The following SEMA6D variants were observed in gnomAD, a reference collection of about 807,000 sequenced individuals.
The protein encoded by SEMA6D is semaphorin 6D.
In SEMA6D, 35 loss-of-function variants were observed where a neutral mutation model predicts 106.6. That is an observed-to-expected ratio of 0.33 (90% CI 0.25 to 0.44). The LOEUF is 0.44. Ranked by LOEUF, SEMA6D falls within the 20% of genes least tolerant of loss-of-function variation. The pLI is 1.00. For synonymous variants in SEMA6D, 499 were observed against 487.7 expected (o/e 1.02, Z -0.31); for missense variants, 1,185 against 1,345.9 (o/e 0.88, Z 1.87).
chr15:47,723,304 C>T (rs1343986641), intron 1 of SEMA6D, among the ~76,000 whole-genome samples: 1 of 152,108 alleles, frequency 6.6e-6, no homozygotes, highest in Non-Finnish European at 1.5e-5. Context: ...GGTATCTTCT[C>T]CCACCATTTT....
intron 4 of SEMA6D, among the ~76,000 whole-genome samples, chr15:47,648,707 C>A (rs2077627585): frequency 6.6e-6 from 1 of 152,126 alleles, no homozygotes; most frequent in Non-Finnish European, 1.5e-5. Flanking sequence ...TAATTTTTAA[C>A]CCGATGTTTT....
chr15:47,228,023 T>A (rs2031905136), intron 1 of SEMA6D, among the ~76,000 whole-genome samples: 1 of 143,060 alleles, frequency 7.0e-6, no homozygotes, highest in African/African-American at 2.5e-5. Flanking sequence ...GAATCATATA[T>A]TTTTTATATA....
chr15:47,409,464 C>G (rs2040709123), intron 1 of SEMA6D, among the ~76,000 whole-genome samples: 1 of 152,142 alleles, frequency 6.6e-6, no homozygotes, highest in African/African-American at 2.4e-5. Flanking sequence ...AATGATATCT[C>G]CCACATACTA....
chr15:47,298,949 G>C (rs1430026651), intron 1 of SEMA6D, among the ~76,000 whole-genome samples: 1 of 152,130 alleles, frequency 6.6e-6, no homozygotes, highest in Non-Finnish European at 1.5e-5. Flanking sequence ...CATCCCTAAA[G>C]GTATTCTCCA....
At chr15:47,320,071 A>T (rs1378186475) in intron 1 of SEMA6D, among the ~76,000 whole-genome samples, 6 of 152,040 alleles carry the variant, frequency 3.9e-5, no homozygotes, top group Non-Finnish European at 8.8e-5. Flanking sequence ...TTAAAAACAT[A>T]TGTTCACCTC....
At chr15:47,700,922 A>C (rs2078798011) in intron 4 of SEMA6D, among the ~76,000 whole-genome samples, 1 of 152,200 alleles carries the variant, frequency 6.6e-6, no homozygotes, top group African/African-American at 2.4e-5. Flanking sequence ...GGAAAAAAAC[A>C]TTAATCTAGA....
chr15:47,308,822 A>G (rs1342301836), intron 1 of SEMA6D, among the ~76,000 whole-genome samples: 1 of 152,222 alleles, frequency 6.6e-6, no homozygotes, highest in Non-Finnish European at 1.5e-5. Flanking sequence ...ACTATTTTGG[A>G]CAGTAGCTAA....
intron 4 of SEMA6D, among the ~76,000 whole-genome samples, chr15:47,631,571 G>A (rs1181338503): frequency 6.6e-6 from 1 of 151,812 alleles, no homozygotes; most frequent in East Asian, 1.9e-4. Flanking sequence ...GCAAACACAA[G>A]TGTCTTCATA....
chr15:47,259,623 T>A (rs563297167), intron 1 of SEMA6D, among the ~76,000 whole-genome samples: 1 of 152,148 alleles, frequency 6.6e-6, no homozygotes, highest in Non-Finnish European at 1.5e-5. Context: ...TGTCTTAGAG[T>A]TTTCAGAAGT....
chr15:47,410,483 T>C (rs1042108353), intron 1 of SEMA6D, among the ~76,000 whole-genome samples: 1 of 152,222 alleles, frequency 6.6e-6, no homozygotes, highest in African/African-American at 2.4e-5. Flanking sequence ...ATAGCTGTTG[T>C]TCCTCTTACA....
chr15:47,741,506 C>T (rs1433028235), intron 1 of SEMA6D, among the ~76,000 whole-genome samples: 1 of 152,170 alleles, frequency 6.6e-6, no homozygotes, highest in African/African-American at 2.4e-5. Context: ...CACCTGAGGT[C>T]GGCAGTTCAA....
intron 1 of SEMA6D, among the ~76,000 whole-genome samples, chr15:47,268,034 G>A (rs2034400600): frequency 6.6e-6 from 1 of 152,114 alleles, no homozygotes; most frequent in Non-Finnish European, 1.5e-5. Flanking sequence ...TTATCTGGAA[G>A]CTTATTAGGA....
chr15:47,523,166 A>C (rs533342316), intron 3 of SEMA6D, among the ~76,000 whole-genome samples: 16 of 152,218 alleles, frequency 1.1e-4, no homozygotes, highest in African/African-American at 3.4e-4. Flanking sequence ...TTGGGATCCC[A>C]CTTGGGAGGT....
intron 4 of SEMA6D, among the ~76,000 whole-genome samples, chr15:47,608,397 A>T (rs2076826392): frequency 6.6e-6 from 1 of 152,188 alleles, no homozygotes; most frequent in Admixed American, 6.5e-5. Flanking sequence ...AGACTTCAAC[A>T]GTAGAAAATG....
intron 1 of SEMA6D, among the ~76,000 whole-genome samples, chr15:47,293,198 GCTCTCAT>G (rs2035663231): frequency 6.6e-6 from 1 of 152,146 alleles, no homozygotes; most frequent in Admixed American, 6.5e-5. Flanking sequence ...CTTGCATGAA[GCTCTCAT>G]CCTCCTCCAG....
At position 47,445,958 on chromosome 15, in the gene SEMA6D, A is replaced by T. The variant is rs1019815512; in HGVS notation, c.-158-24516A>T. 2.0e-5 allele frequency among the ~76,000 whole-genome samples: 3 copies of T among 152,138 alleles called. No homozygotes were observed. In the East Asian group the frequency reaches 5.8e-4, roughly 29 times the overall value. ...GGGGATGGGGCTTAAACCTAAAAGC[A>T]CTTTGGACTCATGATAAATGCACAG... On this transcript the variant is annotated intron_variant, in intron 2 of 19. Transcript: ENST00000558014.
chr15:47,564,548 T>A (rs1046681660), intron 3 of SEMA6D, among the ~76,000 whole-genome samples: 1 of 152,172 alleles, frequency 6.6e-6, no homozygotes, highest in African/African-American at 2.4e-5. Flanking sequence ...TTTATAGTCT[T>A]CATCTAATCC....
intron 1 of SEMA6D, among the ~76,000 whole-genome samples, chr15:47,236,444 A>G (rs919597070): frequency 2.0e-5 from 3 of 152,164 alleles, no homozygotes; most frequent in East Asian, 1.9e-4. Flanking sequence ...TATGTAACCA[A>G]TATCAGTAAT....
intron 4 of SEMA6D, among the ~76,000 whole-genome samples, chr15:47,608,585 A>G (rs1458572859): frequency 6.6e-6 from 1 of 152,180 alleles, no homozygotes; most frequent in African/African-American, 2.4e-5. Context: ...CAGTGTTTCA[A>G]GAACTCATAA....
Sources: gnomAD v4.1 joint callset for allele counts (sites outside exome capture counted in the v4.1 genomes callset) on GRCh38, gnomAD v4.1.1 for gene constraint, MANE v1.5 for transcripts, NCBI Gene and HGNC (gene_info 2026-07-23, HGNC 2026-07-21) for gene names.